Variants in HELQ observed in about 807,000 individuals in gnomAD.
HELQ encodes helicase, POLQ like, also known as helicase POLQ-like.
Under a neutral mutation model 111.6 loss-of-function variants are expected in HELQ, and 77 were observed. The ratio of observed to expected loss-of-function variants is 0.69; its 90% confidence interval spans 0.57 to 0.83. HELQ has a LOEUF of 0.83. Among genes scored for constraint, HELQ ranks in the 40% least tolerant of loss-of-function variants. The pLI is 0.00. For missense variants in HELQ, 1,200 were observed against 1,288.5 expected, an observed-to-expected ratio of 0.93 and a Z score of 1.05; for synonymous variants, 438 against 454.7, an observed-to-expected ratio of 0.96 and a Z score of 0.47.
chr4:83,444,958 A>AT (rs369081172), intron 5 of HELQ, among the ~76,000 whole-genome samples: 96 of 152,300 alleles, frequency 6.3e-4, no homozygotes, highest in African/African-American at 2.3e-3. Context: ...TACACAGAAG[A>AT]ACTTGGTGAT....
intron 2 of HELQ, among the ~76,000 whole-genome samples, chr4:83,450,779 A>T (rs1213360855): frequency 6.6e-6 from 1 of 152,116 alleles, no homozygotes; most frequent in East Asian, 1.9e-4. Context: ...CAGCCTAGGC[A>T]ACAAAATGAG....
In HELQ at chr4:83,448,969, A is replaced by G; in HGVS notation, c.1013-8T>C. On this transcript the variant is annotated splice_polypyrimidine_tract_variant and splice_region_variant and intron_variant, in intron 2 of 17. Coordinates refer to ENST00000295488, the MANE Select transcript of HELQ (RefSeq NM_133636.5). ...AACAAGTATGTTGCCATTCTGTGGA[A>G]TTAAAAAAAAAAAGGCATTATTTTC... The G allele has an allele frequency of 6.7e-7, 1 of 1,488,314 alleles. No individual in the cohort carries two copies. Among genetic ancestry groups the G allele is most frequent in the Non-Finnish European group, 8.9e-7 (1 of 1,124,994 alleles). 92.2% of individuals were successfully genotyped at this position (1,488,314 alleles called of 1,614,324 possible). A position where few individuals can be genotyped will look rare whatever the true frequency, so the allele number is the denominator to read the frequency against.
At chr4:83,441,550 T>C (rs920928025) in intron 6 of HELQ, 147 bp from the exon 7 acceptor site, 1 of 520,510 alleles carries the variant, frequency 1.9e-6, no homozygotes, top group Non-Finnish European at 3.4e-6. Flanking sequence ...ACTTAAAAGT[T>C]CTTGCTTTAC....
At chr4:83,409,334 A>C (rs1445304338) in intron 17 of HELQ, among the ~76,000 whole-genome samples, 1 of 152,072 alleles carries the variant, frequency 6.6e-6, no homozygotes, top group African/African-American at 2.4e-5. Flanking sequence ...GCAGACCATG[A>C]GGTCAGGAGA....
chr4:83,420,706 A>G (rs1022523887), intron 15 of HELQ, among the ~76,000 whole-genome samples: 6 of 151,920 alleles, frequency 3.9e-5, no homozygotes, highest in African/African-American at 1.4e-4. Context: ...AATTGCATGA[A>G]CTCGGGAGGC....
In HELQ at chr4:83,417,988, G is replaced by A. The variant is rs1246464161; in HGVS notation, c.3063+105C>T. On this transcript the variant is annotated intron_variant, in intron 16 of 17. Transcript: ENST00000295488. ...TTCCCATGACAAATGAGCAATTAAG[G>A]CTCTTGCTATCACTTCCTCTGTATT... 3 of 535,196 alleles carry A rather than the reference G, an allele frequency of 5.6e-6. No individual in the cohort carries two copies. The Admixed American group carries it at 9.1e-5, about 16-fold the overall frequency. 33.2% of individuals were successfully genotyped at this position (535,196 alleles called of 1,614,324 possible).
rs780881103 is a variant in HELQ at position 83,427,616 on chromosome 4, G to A, written c.2623C>T (p.Pro875Ser). The stretch of plus-strand genomic sequence containing the variant: ...TTACACTGTGAAACCAGATCATAGG[G>A]GGTTGTTAGGTAGATTAGATGAAGA... ...SLLHLIYLTTPYDLVSQCNPD... is the reference protein window; with the variant it reads ...SLLHLIYLTTSYDLVSQCNPD... The change falls in exon 13 of 18, where the codon CCC (proline) becomes TCC (serine). Residue 875 changes from proline to serine, a missense_variant. Transcript: ENST00000295488. 2.5e-6 allele frequency: 4 copies of A among 1,605,202 alleles called. No homozygotes were observed. The South Asian group carries it at 3.4e-5, about 13-fold the overall frequency.
In HELQ at chr4:83,448,843, C is replaced by T. The variant is rs1393764510; in HGVS notation, c.1131G>A (p.Leu377=). 7 of 1,613,916 alleles carry T rather than the reference C, an allele frequency of 4.3e-6. No individual in the cohort carries two copies. The highest frequency in any genetic ancestry group is 1.7e-5 in the Admixed American group (1 of 59,992). ...TTAAAACATCTTTCCGACAGCAAAG[C>T]AGTTCTTGCAGCATTAAAATCTCAG... is the stretch of plus-strand genomic sequence containing the variant. ...LVAEILMLQE[L]LCCRKDVLMI... Residue 377 remains leucine, a synonymous_variant, in exon 3 of 18, where the codon CTG becomes CTA. Transcript: ENST00000295488.
At chr4:83,441,946 A>G (rs746229575) in intron 6 of HELQ, among the ~76,000 whole-genome samples, 6 of 151,490 alleles carry the variant, frequency 4.0e-5, no homozygotes, top group Non-Finnish European at 8.8e-5. Flanking sequence ...GCTAATTTTT[A>G]TAGAGATGGG....
intron 1 of HELQ, among the ~76,000 whole-genome samples, chr4:83,454,499 T>A (rs888200876): frequency 2.6e-5 from 4 of 151,756 alleles, no homozygotes; most frequent in African/African-American, 9.7e-5. Flanking sequence ...AGTCTTGACA[T>A]CCTGGGCTCA....
At chr4:83,450,456 T>C (rs1274086713) in intron 2 of HELQ, among the ~76,000 whole-genome samples, 1 of 151,886 alleles carries the variant, frequency 6.6e-6, no homozygotes, top group Admixed American at 6.5e-5. Flanking sequence ...TACAAGTGAC[T>C]GTGAATATTT....
rs1720161983 is a variant in HELQ, at chr4:83,431,728, C to G, written c.2231G>C (p.Ser744Thr). 6.5e-7 allele frequency: 1 copy of G among 1,542,986 alleles called. No individual in the cohort carries two copies. Among genetic ancestry groups the G allele is most frequent in the Non-Finnish European group, 8.8e-7 (1 of 1,142,488 alleles). ...LITKPLENCY[S>T]HLVQEFTKGI... ...CTTGGTGAATTCCTGAACAAGATGG[C>G]TGTAACAGTTTTCCAATGGTTTAGT... The change falls in exon 11 of 18, where the codon AGC becomes ACC. Residue 744 changes from serine (S) to threonine (T), a missense_variant. Ser to Thr is a moderately conservative substitution (Grantham distance 58). This residue lies in a region of HELQ where 585 missense variants were observed against 665.3 expected (regional missense o/e 0.88). Transcript: ENST00000295488.
chr4:83,409,192 A>G (rs374855851), intron 17 of HELQ, among the ~76,000 whole-genome samples: 5 of 152,164 alleles, frequency 3.3e-5, no homozygotes, highest in African/African-American at 1.2e-4. Context: ...ATCATTCCAA[A>G]TGACTGTGTT....
intron 16 of HELQ, among the ~76,000 whole-genome samples, chr4:83,417,262 G>A (rs1739413553): frequency 6.6e-6 from 1 of 151,012 alleles, no homozygotes; most frequent in African/African-American, 2.4e-5. Context: ...GAGTGCAATG[G>A]TGCGATCTTG....
At chr4:83,443,876 C>T (rs1390966410) in intron 5 of HELQ, among the ~76,000 whole-genome samples, 1 of 151,970 alleles carries the variant, frequency 6.6e-6, no homozygotes, top group Admixed American at 6.6e-5. Context: ...AAGACCTCAT[C>T]TCTACAAAAA....
At chr4:83,419,469 TTTATA>T (rs1262618832) in intron 15 of HELQ, among the ~76,000 whole-genome samples, 3 of 148,334 alleles carry the variant, frequency 2.0e-5, no homozygotes, top group Admixed American at 6.8e-5. Flanking sequence ...TAATTATATA[TTTATA>T]TTATATGTAA....
At chr4:83,429,449 T>G (rs1381841353) in intron 12 of HELQ, 75 bp downstream of exon 12, 1 of 1,143,102 alleles carries the variant, frequency 8.7e-7, no homozygotes, top group African/African-American at 1.6e-5. Context: ...GTGCCCAGCT[T>G]AAAGAAAGTA....
rs777069751 is a variant in HELQ at position 83,446,105 on chromosome 4, A to G, written c.1393-19T>C. 2.1e-5 allele frequency: 34 copies of G among 1,581,678 alleles called. 1 individual carries two copies. The South Asian group carries it at 3.7e-4, about 17-fold the overall frequency. On this transcript the variant is annotated intron_variant, in intron 4 of 17. Transcript: ENST00000295488. ...TGTGCAACTTCGAGATTTTTTTTAA[A>G]AAGGACAGAGAAGTAAATCTTCATA... is the stretch of plus-strand genomic sequence containing the variant.
In HELQ at chr4:83,414,844, C is replaced by CT. The variant is rs924546483; in HGVS notation, c.3198+1886dup. Among the ~76,000 whole-genome samples the CT allele has an allele frequency of 1.6e-4, 23 of 147,654 alleles. No homozygotes were observed. In the East Asian group the frequency reaches 1.8e-3, roughly 11 times the overall value. ...ACAAGTGTGTGAAAGTTTAATGAAC[C>CT]TTTTTTTTTTAGGTGCTATAGCAAA... On this transcript the variant is annotated intron_variant, in intron 17 of 17. Transcript: ENST00000295488.
Sources: allele counts gnomAD v4.1 joint callset (sites outside exome capture counted in the v4.1 genomes callset), GRCh38; gene constraint gnomAD v4.1.1; regional missense constraint gnomAD v4.1.1; transcripts MANE v1.5; gene names NCBI Gene and HGNC (gene_info 2026-07-23, HGNC 2026-07-21).